Variants in VPS53 observed in about 807,000 individuals in gnomAD.
VPS53 encodes vacuolar protein sorting-associated protein 53 homolog.
Under a neutral mutation model 107.0 loss-of-function variants are expected in VPS53, and 70 were observed. The observed-to-expected ratio is 0.65, with a 90% confidence interval of 0.54 to 0.80. The LOEUF (loss-of-function observed/expected upper bound fraction) is 0.80. Ranked by LOEUF, VPS53 falls within the 30% of genes least tolerant of loss-of-function variation. VPS53 has a pLI of 0.00. For synonymous variants in VPS53, 409 were observed against 393.3 expected (o/e 1.04, Z -0.47); for missense variants, 917 against 1,049.4 (o/e 0.87, Z 1.74).
At chr17:620,236 C>T (rs1319171088) in intron 11 of VPS53, among the ~76,000 whole-genome samples, 1 of 152,206 alleles carries the variant, frequency 6.6e-6, no homozygotes, top group African/African-American at 2.4e-5. Context: ...TGGGCTGCTG[C>T]CACCACCGCT....
chr17:561,379 T>G (rs1912960683), intron 14 of VPS53, among the ~76,000 whole-genome samples: 1 of 152,196 alleles, frequency 6.6e-6, no homozygotes, highest in South Asian at 2.1e-4. Flanking sequence ...GTCTCTCTAC[T>G]GACATAATCC....
In VPS53 at chr17:553,412, G is replaced by A. The variant is rs1304738707; in HGVS notation, c.1755C>T (p.Ile585=). ...ACGTGTCCATCTCTCCAGTCAGATT[G>A]ATTCGTTCAATCAGACTTACATCCA... ...EKVDVSLIER[I]NLTGEMDTFS... The change falls in exon 16 of 22, where the codon ATC becomes ATT. Residue 585 remains isoleucine, a synonymous_variant. Coordinates refer to ENST00000437048, the MANE Select transcript of VPS53 (RefSeq NM_001128159.3). 4 of 1,614,078 alleles carry A rather than the reference G, an allele frequency of 2.5e-6. No individual in the cohort carries two copies. The highest frequency in any genetic ancestry group is 3.4e-6 in the Non-Finnish European group (4 of 1,180,026).
intron 12 of VPS53, among the ~76,000 whole-genome samples, chr17:589,352 T>C (rs1671052457): frequency 6.6e-6 from 1 of 152,130 alleles, no homozygotes; most frequent in African/African-American, 2.4e-5. Context: ...GCCTATATAT[T>C]ATAGATTACT....
chr17:598,657 G>A (rs529678243), intron 12 of VPS53, among the ~76,000 whole-genome samples: 99 of 133,494 alleles, frequency 7.4e-4, no homozygotes, highest in Non-Finnish European at 1.3e-3. Flanking sequence ...GCCGCGACCC[G>A]GTCTGGGAGG....
At chr17:546,870 C>CTTT (rs60940748) in intron 17 of VPS53, among the ~76,000 whole-genome samples, 5 of 83,312 alleles carry the variant, frequency 6.0e-5, no homozygotes, top group Admixed American at 1.5e-4. Flanking sequence ...CCCTTAGATC[C>CTTT]TTTTTTTTTT....
intron 2 of VPS53, among the ~76,000 whole-genome samples, chr17:708,886 C>T (rs980930790): frequency 3.9e-5 from 6 of 152,208 alleles, no homozygotes; most frequent in Non-Finnish European, 7.3e-5. Context: ...TATAACTCTA[C>T]TTATTTAACT....
intron 4 of VPS53, 33 bp downstream of exon 4, chr17:697,385 A>T (rs751751393): frequency 3.8e-5 from 60 of 1,583,862 alleles, no homozygotes; most frequent in Non-Finnish European, 4.7e-5. Context: ...AAACCAGGGG[A>T]GCATAGGTAA....
intron 17 of VPS53, among the ~76,000 whole-genome samples, chr17:541,277 T>C (rs12452970): frequency 0.62 from 94,696 of 152,170 alleles, 32,184 homozygotes; most frequent in African/African-American, 0.89. Flanking sequence ...AGCAGGGCAC[T>C]GAGCATCAGG....
In VPS53 at chr17:697,464, C is replaced by T. The variant is rs186014788; in HGVS notation, c.239G>A (p.Arg80Gln). Residue 80 changes from arginine (R) to glutamine (Q), a missense_variant, in exon 4 of 22, where the codon CGA becomes CAA. Physicochemically the swap from Arg to Gln is conservative, Grantham distance 43 (BLOSUM62 1). Coordinates refer to ENST00000437048, the MANE Select transcript of VPS53 (RefSeq NM_001128159.3). ...LKIRRLDDNI[R>Q]TVVRGQTNVG... ...GTTCGTCTGACCTCTTACAACAGTT[C>T]GAATATTGTCATCCAGTCTCCTAGC... 13 of 1,613,886 alleles carry T rather than the reference C, an allele frequency of 8.1e-6. No homozygotes were observed. The highest frequency in any genetic ancestry group is 5.5e-5 in the South Asian group (5 of 91,066).
intron 11 of VPS53, among the ~76,000 whole-genome samples, chr17:613,077 CAT>C (rs1405691267): frequency 8.7e-4 from 129 of 147,538 alleles, no homozygotes; most frequent in African/African-American, 2.9e-3. Flanking sequence ...CAAATATTCA[CAT>C]AGTGAGTTCA....
chr17:609,546 T>C (rs2143012046), intron 11 of VPS53, among the ~76,000 whole-genome samples: 1 of 152,336 alleles, frequency 6.6e-6, no homozygotes, highest in Middle Eastern at 3.4e-3. Flanking sequence ...CTTTGCTTTT[T>C]CTATTTGGCA....
At position 572,620 on chromosome 17, in the gene VPS53, G is replaced by T. The variant is rs1914271614; in HGVS notation, c.1314-9875C>A. Reference sequence around the variant, plus strand: ...AGGTGGGGAAAAGATTGAGAAATCGGATGGTTGCCGTGTCTGTGTGGAAAG... The same window carrying T: ...AGGTGGGGAAAAGATTGAGAAATCGTATGGTTGCCGTGTCTGTGTGGAAAG... On this transcript the variant is annotated intron_variant, in intron 13 of 21. Transcript: ENST00000437048. 9.2e-5 allele frequency among the ~76,000 whole-genome samples: 14 copies of T among 151,930 alleles called. No individual in the cohort carries two copies. In the South Asian group the frequency reaches 2.7e-3, roughly 29 times the overall value.
chr17:635,870 G>A (rs1322593885), intron 7 of VPS53, among the ~76,000 whole-genome samples: 1 of 152,134 alleles, frequency 6.6e-6, no homozygotes, highest in Admixed American at 6.5e-5. Context: ...AGATTGTCTT[G>A]GCAATGCGGG....
In VPS53 at chr17:517,151, G is replaced by T; in HGVS notation, c.*1977C>A. 3.6e-6 allele frequency: 1 copy of T among 281,584 alleles called. No homozygotes were observed. Among genetic ancestry groups the T allele is most frequent in the Admixed American group, 5.2e-5 (1 of 19,052 alleles). The allele number at this position is 281,584 out of a possible 1,614,324, so 17.4% of individuals were successfully genotyped here. On this transcript the variant is annotated 3_prime_UTR_variant, in exon 22 of 22. Coordinates refer to ENST00000437048, the MANE Select transcript of VPS53 (RefSeq NM_001128159.3). ...TGGGGGCATCTACAGGGCTTCCTGG[G>T]GGCTCTCCCGACTGCCGCCCCCCGC...
At chr17:698,573 T>C (rs1309351627) in intron 3 of VPS53, among the ~76,000 whole-genome samples, 2 of 151,820 alleles carry the variant, frequency 1.3e-5, no homozygotes, top group Non-Finnish European at 2.9e-5. Context: ...AGTGTGGTGG[T>C]GCGCCTGTAG....
At chr17:639,479 G>A (rs1043864230) in intron 7 of VPS53, among the ~76,000 whole-genome samples, 1 of 152,210 alleles carries the variant, frequency 6.6e-6, no homozygotes, top group African/African-American at 2.4e-5. Flanking sequence ...TTCCTTTGGA[G>A]GGGGAGAGGT....
intron 11 of VPS53, among the ~76,000 whole-genome samples, chr17:608,949 G>A (rs949629434): frequency 2.6e-5 from 4 of 151,678 alleles, no homozygotes; most frequent in Admixed American, 6.6e-5. Flanking sequence ...ATATTTATCT[G>A]AAGAGTAAAG....
At chr17:708,173 C>T (rs182347781) in intron 2 of VPS53, among the ~76,000 whole-genome samples, 126 of 152,310 alleles carry the variant, frequency 8.3e-4, no homozygotes, top group Non-Finnish European at 1.2e-3. Context: ...CGGGGCACCA[C>T]TACCACCAAT....
intron 12 of VPS53, among the ~76,000 whole-genome samples, chr17:596,368 G>A (rs961036614): frequency 2.6e-5 from 4 of 151,872 alleles, no homozygotes; most frequent in Non-Finnish European, 5.9e-5. Context: ...TGTTCAGTCT[G>A]CCACAGGCCC....
Sources: gnomAD v4.1 joint callset for allele counts (sites outside exome capture counted in the v4.1 genomes callset) on GRCh38, gnomAD v4.1.1 for gene constraint, MANE v1.5 for transcripts, NCBI Gene and HGNC (gene_info 2026-07-23, HGNC 2026-07-21) for gene names.